Variants in RFTN1 observed in about 807,000 individuals in gnomAD.
The protein encoded by RFTN1 is raftlin, lipid raft linker 1, also known as raftlin.
Under a neutral mutation model 46.5 loss-of-function variants are expected in RFTN1, and 26 were observed. The observed-to-expected ratio is 0.56, with a 90% CI of 0.41 to 0.78. RFTN1 has a LOEUF of 0.78. RFTN1 is among the 30% of genes least tolerant of loss of function. The pLI, the probability that RFTN1 is intolerant of heterozygous loss-of-function variation, is 0.00. For missense variants in RFTN1, 693 were observed against 718.7 expected (o/e 0.96, Z 0.41); for synonymous variants, 261 against 284.2 (o/e 0.92, Z 0.82).
chr3:16,350,974 G>A (rs1364595155), intron 7 of RFTN1, among the ~76,000 whole-genome samples: 1 of 152,170 alleles, frequency 6.6e-6, no homozygotes, highest in Non-Finnish European at 1.5e-5. Context: ...GATTCTTAAA[G>A]AGATGGTTGG....
Position 16,489,678 on chromosome 3 carries a change from TG to T in RFTN1, c.145+4046del, listed in dbSNP as rs1426616337. Among the ~76,000 whole-genome samples, 1 of 151,598 alleles carries T rather than the reference TG, an allele frequency of 6.6e-6. No homozygotes were observed. Among genetic ancestry groups the T allele is most frequent in the East Asian group, 2.0e-4 (1 of 5,128 alleles). Reference sequence around the variant, plus strand: ...AGCCCAGCACTTTGGGAGGCCGAGGTGGGTGGACCACTTGAGGTCAGGAGTT... The same window carrying T: ...AGCCCAGCACTTTGGGAGGCCGAGGTGGTGGACCACTTGAGGTCAGGAGTT... On this transcript the variant is annotated intron_variant, in intron 2 of 9. Transcript: ENST00000334133. This position sits in a 1 kb window ranked among gnomAD's most constrained non-coding sequence, Gnocchi z 4.0.
chr3:16,439,932 C>G (rs2075590055), intron 2 of RFTN1, among the ~76,000 whole-genome samples: 2 of 152,160 alleles, frequency 1.3e-5, no homozygotes. Flanking sequence ...AAGAGAGCTA[C>G]AAGGAAACGG....
Position 16,353,686 on chromosome 3 carries a change from G to A in RFTN1, c.1146+4246C>T, listed in dbSNP as rs757494316. ...TAATTAAGGTTAAATGAAGTCATAC[G>A]CATGGGACCCTGATTGAACAGGATT... On this transcript the variant is annotated intron_variant, in intron 7 of 9. Transcript: ENST00000334133. This position sits in a 1 kb window ranked among gnomAD's most constrained non-coding sequence, Gnocchi z 5.4. 1.4e-4 allele frequency among the ~76,000 whole-genome samples: 22 copies of A among 152,132 alleles called. No individual in the cohort carries two copies. The highest frequency in any genetic ancestry group is 6.5e-5 in the Admixed American group (1 of 15,276).
At chr3:16,408,815 G>A (rs1307698103) in intron 4 of RFTN1, among the ~76,000 whole-genome samples, 1 of 150,680 alleles carries the variant, frequency 6.6e-6, no homozygotes, top group Admixed American at 6.6e-5. Context: ...GCATCAAGCA[G>A]TGAACTCAGC....
chr3:16,393,309 A>G (rs1323844107), intron 4 of RFTN1, among the ~76,000 whole-genome samples: 2 of 152,222 alleles, frequency 1.3e-5, no homozygotes, highest in Non-Finnish European at 2.9e-5. Flanking sequence ...GCAGATATCT[A>G]GGGATAGATG....
intron 7 of RFTN1, among the ~76,000 whole-genome samples, chr3:16,339,109 A>G (rs942115706): frequency 6.6e-6 from 1 of 152,228 alleles, no homozygotes; most frequent in Non-Finnish European, 1.5e-5. Flanking sequence ...GTCTTGACTC[A>G]CTAAGGAAGG....
chr3:16,333,380 A>G (rs1456867169), intron 7 of RFTN1, among the ~76,000 whole-genome samples: 22 of 152,258 alleles, frequency 1.4e-4, no homozygotes, highest in Admixed American at 1.4e-3. Flanking sequence ...TGGCCACAAA[A>G]TGCCATTTGT....
intron 4 of RFTN1, among the ~76,000 whole-genome samples, chr3:16,406,804 C>G (rs2125442934): frequency 6.6e-6 from 1 of 152,252 alleles, no homozygotes; most frequent in South Asian, 2.1e-4. Context: ...CACTAAAAGT[C>G]AGTTTCTAAG....
rs1366735412 is a variant in RFTN1, at chr3:16,336,665, T to C, written c.1147-9789A>G. ...TTTCATAATGTTCAAAGAGAATAAT[T>C]TTTTTTTTTTAAAAAAGCTTAGTTC... On this transcript the variant is annotated intron_variant, in intron 7 of 9. Transcript: ENST00000334133. The surrounding 1 kb of genome is among the most constrained non-coding windows in gnomAD (Gnocchi z 6.0). Among the ~76,000 whole-genome samples the C allele has an allele frequency of 6.7e-6, 1 of 150,202 alleles. No homozygotes were observed. The highest frequency in any genetic ancestry group is 2.1e-4 in the South Asian group (1 of 4,768).
chr3:16,411,439 T>C (rs983896718), intron 3 of RFTN1, among the ~76,000 whole-genome samples: 6 of 152,214 alleles, frequency 3.9e-5, no homozygotes, highest in African/African-American at 1.4e-4. Context: ...CTTATTTTTA[T>C]TTTTCTTTCC....
At position 16,427,339 on chromosome 3, in the gene RFTN1, G is replaced by GA. The variant is rs2075306516; in HGVS notation, c.332+6511dup. On this transcript the variant is annotated intron_variant, in intron 3 of 9. Transcript: ENST00000334133. This position sits in a 1 kb window ranked among gnomAD's most constrained non-coding sequence, Gnocchi z 5.4. ...ATCTGAGCTTGCAAGCCCTGTCTTA[G>GA]AATAAAGACAGAGTCTTCAGAATTT... Among the ~76,000 whole-genome samples, 1 of 152,206 alleles carries GA rather than the reference G, an allele frequency of 6.6e-6. No individual in the cohort carries two copies.
At chr3:16,408,333 T>C (rs1270637105) in intron 4 of RFTN1, among the ~76,000 whole-genome samples, 1 of 152,190 alleles carries the variant, frequency 6.6e-6, no homozygotes, top group Non-Finnish European at 1.5e-5. Flanking sequence ...CTAGTTCGGC[T>C]GTTTTATTCT....
Position 16,425,415 on chromosome 3 carries a change from A to T in RFTN1, c.332+8436T>A, listed in dbSNP as rs1057216320. On this transcript the variant is annotated intron_variant, in intron 3 of 9. Transcript: ENST00000334133. The surrounding 1 kb of genome is among the most constrained non-coding windows in gnomAD (Gnocchi z 4.3). ...TCACTGTTCTCTGTCATTTCAAAAT[A>T]GTTCTGGGGAGAGGGTGGAAATCAC... Among the ~76,000 whole-genome samples, 4 of 152,346 alleles carry T rather than the reference A, an allele frequency of 2.6e-5. 1 individual carries two copies.
Position 16,509,060 on chromosome 3 carries a change from T to A in RFTN1, c.-9+4382A>T, listed in dbSNP as rs2076857271. ...ACTAGTGGCTACTGTATTGAACAGT[T>A]CAGCTGGCAACGTCTTTCTGTTCCT... On this transcript the variant is annotated intron_variant, in intron 1 of 9. Coordinates refer to ENST00000334133, the MANE Select transcript of RFTN1 (RefSeq NM_015150.2). The surrounding 1 kb of genome is among the most constrained non-coding windows in gnomAD (Gnocchi z 4.9). Among the ~76,000 whole-genome samples, 1 of 152,244 alleles carries A rather than the reference T, an allele frequency of 6.6e-6. No individual in the cohort carries two copies. Among genetic ancestry groups the A allele is most frequent in the African/African-American group, 2.4e-5 (1 of 41,472 alleles).
Position 16,387,570 on chromosome 3 carries a change from T to TTCTCTCTCTCTCTCTC in RFTN1, c.442-9484_442-9469dup, listed in dbSNP as rs3054539. Among the ~76,000 whole-genome samples, 2,338 of 116,346 alleles carry TTCTCTCTCTCTCTCTC rather than the reference T, an allele frequency of 0.02. 151 individuals are homozygous for TTCTCTCTCTCTCTCTC. Among genetic ancestry groups the TTCTCTCTCTCTCTCTC allele is most frequent in the African/African-American group, 0.022 (572 of 25,574 alleles). 76.3% of individuals were successfully genotyped at this position (116,346 alleles called of 152,430 possible). On this transcript the variant is annotated intron_variant, in intron 4 of 9. Coordinates refer to ENST00000334133, the MANE Select transcript of RFTN1 (RefSeq NM_015150.2). This position sits in a 1 kb window ranked among gnomAD's most constrained non-coding sequence, Gnocchi z 5.2. Reference sequence around the variant, plus strand: ...CACTTCTCTCTTCTATATCCTCAATTTCTCTCTCTCTCTCTCTCTCTCTCT... The same window carrying TTCTCTCTCTCTCTCTC: ...CACTTCTCTCTTCTATATCCTCAATTTCTCTCTCTCTCTCTCTCTCTCTCTCTCTCTCTCTCTCTCT...
chr3:16,414,295 G>GAA (rs199935896), intron 3 of RFTN1, among the ~76,000 whole-genome samples: 54 of 125,106 alleles, frequency 4.3e-4, no homozygotes, highest in Admixed American at 1.4e-3. Flanking sequence ...GGGAAGTCTT[G>GAA]AAAAAAAAAA....
rs559598086 is a variant in RFTN1 at position 16,327,925 on chromosome 3, A to G, written c.1147-1049T>C. Among the ~76,000 whole-genome samples the G allele has an allele frequency of 5.9e-5, 9 of 152,018 alleles. No individual in the cohort carries two copies. Among genetic ancestry groups the G allele is most frequent in the Middle Eastern group, 3.4e-3 (1 of 294 alleles). ...CACTAACACTCAAAGTGTAGCCCCCACCCCTGCTCTGTGTGTAACTGGACT... is the reference window on the plus strand; with the variant it reads ...CACTAACACTCAAAGTGTAGCCCCCGCCCCTGCTCTGTGTGTAACTGGACT... On this transcript the variant is annotated intron_variant, in intron 7 of 9. Coordinates refer to ENST00000334133, the MANE Select transcript of RFTN1 (RefSeq NM_015150.2). This position sits in a 1 kb window ranked among gnomAD's most constrained non-coding sequence, Gnocchi z 4.2.
In RFTN1 at chr3:16,381,973, T is replaced by C. The variant is rs2074008543; in HGVS notation, c.442-3871A>G. ...ACTGCAAGATTTCTTCGAATGCTCA[T>C]CTTTTACCTTCAACTTCAGCACAAA... is the stretch of plus-strand genomic sequence containing the variant. On this transcript the variant is annotated intron_variant, in intron 4 of 9. Transcript: ENST00000334133. The surrounding 1 kb of genome is among the most constrained non-coding windows in gnomAD (Gnocchi z 4.2). Among the ~76,000 whole-genome samples the C allele has an allele frequency of 6.6e-6, 1 of 152,220 alleles. No homozygotes were observed. Among genetic ancestry groups the C allele is most frequent in the African/African-American group, 2.4e-5 (1 of 41,454 alleles).
intron 6 of RFTN1, among the ~76,000 whole-genome samples, chr3:16,364,912 T>A (rs1305593911): frequency 6.6e-6 from 1 of 152,246 alleles, no homozygotes; most frequent in Admixed American, 6.5e-5. Context: ...TTCTAGGGGC[T>A]TGTTAAGTTC....
Sources: allele counts gnomAD v4.1 joint callset (sites outside exome capture counted in the v4.1 genomes callset), GRCh38; gene constraint gnomAD v4.1.1; non-coding constraint Gnocchi (gnomAD v3.1); transcripts MANE v1.5; gene names NCBI Gene and HGNC (gene_info 2026-07-23, HGNC 2026-07-21).